The following CSMD1 variants were observed in gnomAD, a reference collection of about 807,000 sequenced individuals.
The protein encoded by CSMD1 is CUB and sushi domain-containing protein 1.
CSMD1 carries 213 observed loss-of-function variants against 417.5 expected under a neutral mutation model. The ratio of observed to expected loss-of-function variants is 0.51; its 90% CI spans 0.46 to 0.57. The LOEUF (loss-of-function observed/expected upper bound fraction) is 0.57. Ranked by LOEUF, CSMD1 falls within the 20% of genes least tolerant of loss-of-function variation. CSMD1 has a pLI of 0.00. For missense variants in CSMD1, 6,923 were observed against 4,529.7 expected (o/e 1.53, Z -15.17); for synonymous variants, 2,862 against 1,736.8 (o/e 1.65, Z -16.11).
At chr8:3,302,681 A>G (rs1343689368) in intron 25 of CSMD1, among the ~76,000 whole-genome samples, 4 of 152,194 alleles carry the variant, frequency 2.6e-5, no homozygotes, top group Non-Finnish European at 5.9e-5. Flanking sequence ...AGATGTTGAA[A>G]GAGGAGATGT....
At chr8:4,119,604 G>C (rs55742154) in intron 3 of CSMD1, among the ~76,000 whole-genome samples, 150,532 of 152,214 alleles carry the variant, frequency 0.99, 74,459 homozygotes, top group East Asian at 1. Context: ...CTAGGGAGGA[G>C]ACCAGGACTT....
chr8:4,044,203 C>G (rs1798034072), intron 3 of CSMD1, among the ~76,000 whole-genome samples: 3 of 152,098 alleles, frequency 2.0e-5, no homozygotes, highest in African/African-American at 4.8e-5. Context: ...GGGATCTGCA[C>G]AATAACTGCT....
intron 7 of CSMD1, among the ~76,000 whole-genome samples, chr8:3,662,846 G>T (rs144092484): frequency 2.0e-5 from 3 of 152,018 alleles, no homozygotes; most frequent in African/African-American, 7.3e-5. Flanking sequence ...CGGTGGGTAG[G>T]GGGAAAGAGG....
intron 41 of CSMD1, among the ~76,000 whole-genome samples, chr8:3,130,901 C>A (rs1265083629): frequency 6.6e-6 from 1 of 152,166 alleles, no homozygotes. Context: ...ACTCTATTTG[C>A]AACAAGTGTT....
At chr8:3,119,328 G>A (rs1005782625) in intron 41 of CSMD1, among the ~76,000 whole-genome samples, 2 of 135,556 alleles carry the variant, frequency 1.5e-5, no homozygotes, top group Non-Finnish European at 3.1e-5. Flanking sequence ...GTCGTTATTT[G>A]GTTTAACTAT....
chr8:3,646,451 G>A (rs1292016185), intron 7 of CSMD1, among the ~76,000 whole-genome samples: 1 of 152,050 alleles, frequency 6.6e-6, no homozygotes, highest in Non-Finnish European at 1.5e-5. Context: ...TTGTAAATAA[G>A]GGAAAATCGC....
At chr8:4,157,603 G>A (rs368401056) in intron 3 of CSMD1, among the ~76,000 whole-genome samples, 1 of 152,162 alleles carries the variant, frequency 6.6e-6, no homozygotes, top group East Asian at 1.9e-4. Flanking sequence ...TGTAACAAAT[G>A]CAAATCTTTC....
At chr8:4,519,131 T>C (rs1198993019) in intron 2 of CSMD1, among the ~76,000 whole-genome samples, 2 of 152,146 alleles carry the variant, frequency 1.3e-5, no homozygotes, top group Non-Finnish European at 2.9e-5. Context: ...CTAATAGTAT[T>C]TTACATTTTG....
chr8:4,886,572 A>G (rs1025655204), intron 1 of CSMD1, among the ~76,000 whole-genome samples: 6 of 151,890 alleles, frequency 4.0e-5, no homozygotes, highest in Non-Finnish European at 8.8e-5. Context: ...ATATATTTAC[A>G]TTAGGTCTTC....
chr8:3,679,793 C>G (rs1028919517), intron 7 of CSMD1, among the ~76,000 whole-genome samples: 1 of 152,180 alleles, frequency 6.6e-6, no homozygotes. Flanking sequence ...AAGTAAAGCT[C>G]TCCTCAGCAA....
At chr8:4,456,716 C>G (rs1432817517) in intron 2 of CSMD1, among the ~76,000 whole-genome samples, 1 of 152,000 alleles carries the variant, frequency 6.6e-6, no homozygotes, top group Admixed American at 6.6e-5. Flanking sequence ...GCATGTGGAC[C>G]CCCTGCTGCA....
At chr8:4,275,227 GA>G (rs1183856128) in intron 3 of CSMD1, among the ~76,000 whole-genome samples, 8 of 151,798 alleles carry the variant, frequency 5.3e-5, no homozygotes, top group African/African-American at 2.4e-5. Context: ...TGTTTTTATT[GA>G]TTTTTTTACA....
chr8:4,586,139 T>G (rs1183659314), intron 2 of CSMD1, among the ~76,000 whole-genome samples: 1 of 152,198 alleles, frequency 6.6e-6, no homozygotes, highest in Non-Finnish European at 1.5e-5. Flanking sequence ...CCTCAAGCAT[T>G]TGCCATTTCT....
intron 3 of CSMD1, among the ~76,000 whole-genome samples, chr8:4,245,668 T>C (rs903480874): frequency 6.6e-6 from 1 of 152,108 alleles, no homozygotes; most frequent in Non-Finnish European, 1.5e-5. Flanking sequence ...ATCTACCCCA[T>C]ATGAATGACA....
intron 1 of CSMD1, among the ~76,000 whole-genome samples, chr8:4,978,044 C>G (rs1810666494): frequency 6.6e-6 from 1 of 152,330 alleles, no homozygotes; most frequent in East Asian, 1.9e-4. Flanking sequence ...TTCACTTTTA[C>G]AGCCAGACTC....
At chr8:3,366,205 T>C (rs1809556927) in intron 20 of CSMD1, among the ~76,000 whole-genome samples, 1 of 152,166 alleles carries the variant, frequency 6.6e-6, no homozygotes, top group African/African-American at 2.4e-5. Context: ...TCCCATCCTT[T>C]GGCAGCTGTA....
intron 3 of CSMD1, among the ~76,000 whole-genome samples, chr8:4,080,121 C>A (rs1421550652): frequency 6.6e-6 from 1 of 151,864 alleles, no homozygotes; most frequent in Non-Finnish European, 1.5e-5. Context: ...CATGTATACA[C>A]CCCCATAGGT....
At chr8:3,269,284 T>C (rs1187677481) in intron 26 of CSMD1, among the ~76,000 whole-genome samples, 1 of 152,236 alleles carries the variant, frequency 6.6e-6, no homozygotes, top group Non-Finnish European at 1.5e-5. Flanking sequence ...GCCAGTTCTC[T>C]GCCAGTCCCA....
chr8:4,455,798 G>T (rs1009643128), intron 2 of CSMD1, among the ~76,000 whole-genome samples: 1 of 151,068 alleles, frequency 6.6e-6, no homozygotes, highest in Non-Finnish European at 1.5e-5. Flanking sequence ...GGATGTGGTG[G>T]CATGTGCCTG....
Sources: allele counts gnomAD v4.1 joint callset (sites outside exome capture counted in the v4.1 genomes callset), GRCh38; gene constraint gnomAD v4.1.1; transcripts MANE v1.5; gene names NCBI Gene and HGNC (gene_info 2026-07-23, HGNC 2026-07-21).